Variants in CCN5 observed in about 807,000 individuals in gnomAD.
The protein encoded by CCN5 is CCN family member 5.
A neutral mutation model predicts 18.7 loss-of-function variants in CCN5; 17 were observed. That is an observed-to-expected ratio of 0.91 (90% CI 0.62 to 1.36). The LOEUF is 1.36. CCN5 is among the 40% of genes most tolerant of loss of function. The pLI is 0.00. For missense variants in CCN5, 367 were observed against 342.9 expected, an observed-to-expected ratio of 1.07 and a Z score of -0.56; for synonymous variants, 135 against 145.2, an observed-to-expected ratio of 0.93 and a Z score of 0.50.
At chr20:44,718,455 C>A (rs966759996) in intron 1 of CCN5, among the ~76,000 whole-genome samples, 18 of 152,138 alleles carry the variant, frequency 1.2e-4, no homozygotes, top group Admixed American at 4.6e-4. Context: ...TCAAACTTGG[C>A]CCCCCAAAGA....
At chr20:44,724,392 G>C in intron 2 of CCN5, 1 of 332,944 alleles carries the variant, frequency 3.0e-6, no homozygotes, top group South Asian at 4.1e-5. Flanking sequence ...ATCATTCCGA[G>C]TAGTCTCTAC....
At position 44,727,723 on chromosome 20, in the gene CCN5, G is replaced by A; in HGVS notation, c.*416G>A. On this transcript the variant is annotated 3_prime_UTR_variant, in exon 4 of 4. Coordinates refer to ENST00000190983, the MANE Select transcript of CCN5 (RefSeq NM_003881.4). ...GGACTGGCCATTTTTCTGGGGGTAG[G>A]ATGAAGAGAAGGCACACAGAGATTC... is the stretch of plus-strand genomic sequence containing the variant. 1 of 345,258 alleles carries A rather than the reference G, an allele frequency of 2.9e-6. No homozygotes were observed. The highest frequency in any genetic ancestry group is 5.1e-6 in the Non-Finnish European group (1 of 195,692). The allele number at this position is 345,258 out of a possible 1,614,324, so 21.4% of individuals were successfully genotyped here. A position where few individuals can be genotyped will look rare whatever the true frequency, so the allele number is the denominator to read the frequency against.
In CCN5 at chr20:44,724,998, C is replaced by T. The variant is rs1225510187; in HGVS notation, c.532+6C>T. ...CCAGCCCCTTCCAGCCCAAGGTGAGCGCAGCGGTGGTCCAGGTCAGGGCAG... is the reference window on the plus strand; with the variant it reads ...CCAGCCCCTTCCAGCCCAAGGTGAGTGCAGCGGTGGTCCAGGTCAGGGCAG... On this transcript the variant is annotated splice_donor_region_variant and intron_variant, in intron 3 of 3. Coordinates refer to ENST00000190983, the MANE Select transcript of CCN5 (RefSeq NM_003881.4). 5.8e-6 allele frequency: 9 copies of T among 1,564,656 alleles called. No homozygotes were observed. In the South Asian group the frequency reaches 7.2e-5, roughly 12 times the overall value.
In CCN5 at chr20:44,724,942, G is replaced by A. The variant is rs1322902316; in HGVS notation, c.482G>A (p.Trp161Ter). 7.5e-6 allele frequency: 12 copies of A among 1,597,714 alleles called. No individual in the cohort carries two copies. Among genetic ancestry groups the A allele is most frequent in the Non-Finnish European group, 9.4e-6 (11 of 1,173,720 alleles). ...VEVLGKCCPE[W>*]VCGQGGGLGT... ...GTCCTGGGCAAGTGCTGCCCTGAGT[G>A]GGTGTGCGGCCAAGGAGGGGGACTG... Residue 161 changes from tryptophan to a stop codon, truncating the protein, a stop_gained, in exon 3 of 4, where the codon TGG becomes TAG. Coordinates refer to ENST00000190983, the MANE Select transcript of CCN5 (RefSeq NM_003881.4). LOFTEE classifies it low-confidence loss of function (END_TRUNC).
At chr20:44,718,329 G>A (rs1341517119) in intron 1 of CCN5, among the ~76,000 whole-genome samples, 2 of 152,114 alleles carry the variant, frequency 1.3e-5, no homozygotes, top group Non-Finnish European at 2.9e-5. Context: ...GAGCAAAGGG[G>A]TCATTGCCTG....
chr20:44,715,837 C>T (rs2065856186), intron 1 of CCN5, among the ~76,000 whole-genome samples: 1 of 152,140 alleles, frequency 6.6e-6, no homozygotes, highest in African/African-American at 2.4e-5. Flanking sequence ...TAACTCTGAG[C>T]CAGCATTTGG....
chr20:44,725,203 C>CA lies in CCN5; in HGVS notation c.532+213dup, dbSNP rs566006806. On this transcript the variant is annotated intron_variant, in intron 3 of 3. Coordinates refer to ENST00000190983, the MANE Select transcript of CCN5 (RefSeq NM_003881.4). The stretch of plus-strand genomic sequence containing the variant: ...TTGTAATCCCAGTACGTTGGGAGGC[C>CA]AAGACGGGCGGATCACCTGAGGTTA... Among the ~76,000 whole-genome samples the CA allele has an allele frequency of 2.8e-3, 419 of 152,068 alleles. 2 individuals carry two copies. The highest frequency in any genetic ancestry group is 9.7e-3 in the African/African-American group (402 of 41,476).
chr20:44,719,995 C>T lies in CCN5; in HGVS notation c.159C>T (p.Cys53=). 6.2e-7 allele frequency: 1 copy of T among 1,612,464 alleles called. No individual in the cohort carries two copies. The highest frequency in any genetic ancestry group is 8.5e-7 in the Non-Finnish European group (1 of 1,179,796). ...TGGTGCTGGATGGCTGTGGCTGCTG[C>T]CGGGTATGTGCACGGCGGCTGGGGG... ...VPLVLDGCGC[C]RVCARRLGEP... Residue 53 remains cysteine (C), a synonymous_variant, in exon 2 of 4, where the codon TGC becomes TGT. Coordinates refer to ENST00000190983, the MANE Select transcript of CCN5 (RefSeq NM_003881.4).
intron 2 of CCN5, among the ~76,000 whole-genome samples, chr20:44,722,461 C>CTG (rs2065906311): frequency 1.6e-5 from 1 of 61,164 alleles, no homozygotes; most frequent in Non-Finnish European, 5.9e-5. Context: ...CTCTATCTCT[C>CTG]TCTCTTTTTT....
Position 44,720,094 on chromosome 20 carries a change from C to T in CCN5, c.258C>T (p.Gly86=), listed in dbSNP as rs2296530. 7.1e-6 allele frequency: 11 copies of T among 1,555,260 alleles called. No homozygotes were observed. The East Asian group carries it at 1.2e-4, about 17-fold the overall frequency. Residue 86 remains glycine, a synonymous_variant, in exon 2 of 4, where the codon GGC becomes GGT. Coordinates refer to ENST00000190983, the MANE Select transcript of CCN5 (RefSeq NM_003881.4). ...LVCQPGAGPG[G]RGALCLLAED... ...GCCAGCCCGGGGCAGGACCCGGTGG[C>T]CGGGGGGCCCTGTGCCTCTGTAAGC...
upstream of CCN5, chr20:44,715,347 T>C (rs1000439480): frequency 1.3e-6 from 2 of 1,567,334 alleles, no homozygotes; most frequent in African/African-American, 1.4e-5. Context: ...ACATAAAGAC[T>C]CACAGGTCCG....
chr20:44,727,469 G>C lies in CCN5; in HGVS notation c.*162G>C, dbSNP rs1249854001. 7.0e-7 allele frequency: 1 copy of C among 1,432,082 alleles called. No individual in the cohort carries two copies. Among genetic ancestry groups the C allele is most frequent in the East Asian group, 2.6e-5 (1 of 38,168 alleles). 88.7% of individuals were successfully genotyped at this position (1,432,082 alleles called of 1,614,324 possible). A position where few individuals can be genotyped will look rare whatever the true frequency, so the allele number is the denominator to read the frequency against. On this transcript the variant is annotated 3_prime_UTR_variant, in exon 4 of 4. Coordinates refer to ENST00000190983, the MANE Select transcript of CCN5 (RefSeq NM_003881.4). ...GAACACCAATATTAACACGCTGCCT[G>C]GTCTGTCTGGATCCCGAGGTATGGC...
chr20:44,719,844 T>A (rs1412277978), intron 1 of CCN5, 53 bp from the exon 2 acceptor site: 1 of 1,555,360 alleles, frequency 6.4e-7, no homozygotes, highest in Non-Finnish European at 8.7e-7. Context: ...GTTGTGAGGG[T>A]CTCACTGCCC....
chr20:44,715,276 CGCGCGTGT>C (rs1257783679), upstream of CCN5: 229 of 769,408 alleles, frequency 3.0e-4, 3 homozygotes, highest in African/African-American at 3.6e-3. Context: ...CGCGCGCGCG[CGCGCGTGT>C]GTACTCGTGC....
Position 44,723,486 on chromosome 20 carries a change from A to G in CCN5, c.278-1252A>G, listed in dbSNP as rs576041735. On this transcript the variant is annotated intron_variant, in intron 2 of 3. Coordinates refer to ENST00000190983, the MANE Select transcript of CCN5 (RefSeq NM_003881.4). ...CCCACAAGTGGGAGCCAGAGTTGGAACCTAAGTATGTGTGGTTTTGGTTCT... is the reference window on the plus strand; with the variant it reads ...CCCACAAGTGGGAGCCAGAGTTGGAGCCTAAGTATGTGTGGTTTTGGTTCT... 9.2e-5 allele frequency among the ~76,000 whole-genome samples: 14 copies of G among 152,094 alleles called. No homozygotes were observed. The South Asian group carries it at 1.5e-3, about 16-fold the overall frequency.
At position 44,724,826 on chromosome 20, in the gene CCN5, C is replaced by G. The variant is rs371906914; in HGVS notation, c.366C>G (p.Arg122=). ...TFQPHCSIRC[R]CEDGGFTCVP... ...AGCCCCACTGCAGCATCCGCTGCCG[C>G]TGCGAGGACGGCGGCTTCACCTGCG... is the stretch of plus-strand genomic sequence containing the variant. Residue 122 remains arginine (R), a synonymous_variant, in exon 3 of 4, where the codon CGC becomes CGG. Transcript: ENST00000190983. 6 of 1,609,320 alleles carry G rather than the reference C, an allele frequency of 3.7e-6. No homozygotes were observed. Among genetic ancestry groups the G allele is most frequent in the Non-Finnish European group, 5.1e-6 (6 of 1,178,638 alleles).
chr20:44,724,575 G>A (rs1220360294), intron 2 of CCN5, 163 bp from the exon 3 acceptor site: 12 of 1,095,462 alleles, frequency 1.1e-5, no homozygotes, highest in African/African-American at 1.6e-5. Flanking sequence ...GCCCCAGCAG[G>A]CTGGTGGAGG....
At chr20:44,722,845 C>T (rs564730720) in intron 2 of CCN5, among the ~76,000 whole-genome samples, 1 of 152,258 alleles carries the variant, frequency 6.6e-6, no homozygotes, top group African/African-American at 2.4e-5. Flanking sequence ...CAGCATCCGA[C>T]ACTCCCATCC....
At chr20:44,716,212 CA>C (rs1187781195) in intron 1 of CCN5, among the ~76,000 whole-genome samples, 7 of 152,222 alleles carry the variant, frequency 4.6e-5, no homozygotes, top group African/African-American at 1.2e-4. Flanking sequence ...CCCAGAATGA[CA>C]TGGATGTAGG....
Sources: allele counts gnomAD v4.1 joint callset (sites outside exome capture counted in the v4.1 genomes callset), GRCh38; gene constraint gnomAD v4.1.1; transcripts MANE v1.5; gene names NCBI Gene and HGNC (gene_info 2026-07-23, HGNC 2026-07-21).